PPP2R2D: variants seen among roughly 807,000 people sequenced by gnomAD.
PPP2R2D encodes protein phosphatase 2 regulatory subunit Bdelta.
A neutral mutation model predicts 31.1 loss-of-function variants in PPP2R2D; 9 were observed. The observed-to-expected ratio is 0.29, with a 90% CI of 0.17 to 0.51. The LOEUF is 0.51. PPP2R2D is among the 20% of genes least tolerant of loss of function. PPP2R2D has a pLI of 0.98. For synonymous variants in PPP2R2D, 179 were observed against 172.6 expected (o/e 1.04, Z -0.29); for missense variants, 391 against 465.6 (o/e 0.84, Z 1.48).
In PPP2R2D at chr10:131,959,276, G is replaced by C. The variant is rs11146350; in HGVS notation, c.*3313G>C. 1,929 of 50,540 alleles carry C rather than the reference G, an allele frequency of 0.038. 42 individuals carry two copies. Among genetic ancestry groups the C allele is most frequent in the Admixed American group, 0.08 (275 of 3,452 alleles). 3.1% of individuals were successfully genotyped at this position (50,540 alleles called of 1,614,324 possible). A position where few individuals can be genotyped will look rare whatever the true frequency, so the allele number is the denominator to read the frequency against. On this transcript the variant is annotated 3_prime_UTR_variant, in exon 9 of 9. Coordinates refer to ENST00000455566, the MANE Select transcript of PPP2R2D (RefSeq NM_018461.5). ...TGGAGATGAAGGCGTGTGCTGATCC[G>C]CCGTCCCCCTGTGGAGATGAAGGCG...
downstream of PPP2R2D, among the ~76,000 whole-genome samples, chr10:131,961,663 G>C (rs566564250): frequency 1.3e-5 from 2 of 152,176 alleles, no homozygotes; most frequent in Admixed American, 1.3e-4. Flanking sequence ...CCCCGAAGCT[G>C]TGACAGGTGC....
At chr10:131,922,126 G>T (rs1335183284) in intron 2 of PPP2R2D, among the ~76,000 whole-genome samples, 1 of 152,212 alleles carries the variant, frequency 6.6e-6, no homozygotes, top group Non-Finnish European at 1.5e-5. Flanking sequence ...TCTGAAATTT[G>T]TTAGACAAAG....
chr10:131,912,107 A>G (rs1415144925), intron 2 of PPP2R2D: 1 of 152,186 alleles, frequency 6.6e-6, no homozygotes, highest in Non-Finnish European at 1.5e-5. Context: ...AATCTTTTTT[A>G]ATCCACAAAT....
intron 2 of PPP2R2D, among the ~76,000 whole-genome samples, chr10:131,930,714 G>A (rs2036205194): frequency 6.6e-6 from 1 of 152,172 alleles, no homozygotes; most frequent in African/African-American, 2.4e-5. Flanking sequence ...TTTTATCCCT[G>A]GTGTTGAGAT....
chr10:131,924,695 C>CA (rs34819032), intron 2 of PPP2R2D, among the ~76,000 whole-genome samples: 1,170 of 113,054 alleles, frequency 0.01, 4 homozygotes, highest in South Asian at 0.02. Context: ...GCAATTTTTG[C>CA]AAAAAAAAAA....
chr10:131,952,310 T>G (rs1589961835), intron 8 of PPP2R2D, among the ~76,000 whole-genome samples: 1 of 65,462 alleles, frequency 1.5e-5, no homozygotes. Flanking sequence ...GACTTGCGGG[T>G]GTGCGGGGGG....
chr10:131,936,389 G>T (rs374213540), intron 3 of PPP2R2D, among the ~76,000 whole-genome samples: 1 of 151,900 alleles, frequency 6.6e-6, no homozygotes, highest in Admixed American at 6.6e-5. Context: ...CAGGTGATCC[G>T]CCCACCTCGG....
At chr10:131,929,413 A>G (rs950199499) in intron 2 of PPP2R2D, among the ~76,000 whole-genome samples, 9 of 152,210 alleles carry the variant, frequency 5.9e-5, no homozygotes, top group African/African-American at 1.9e-4. Flanking sequence ...TGCTTGGTTT[A>G]GAGCCACTCA....
the PPP2R2D span, among the ~76,000 whole-genome samples, chr10:131,965,790 T>C: frequency 6.6e-6 from 1 of 152,200 alleles, no homozygotes; most frequent in Non-Finnish European, 1.5e-5. Flanking sequence ...TTCAAGGAGC[T>C]GCTTCCAAAT....
downstream of PPP2R2D, among the ~76,000 whole-genome samples, chr10:131,961,329 G>A (rs1236153334): frequency 2.0e-5 from 3 of 152,166 alleles, no homozygotes; most frequent in Admixed American, 1.3e-4. Flanking sequence ...GTGTAGACCA[G>A]ATGTGAGTAA....
chr10:131,934,167 A>G (rs2036296049), intron 2 of PPP2R2D, among the ~76,000 whole-genome samples: 1 of 152,004 alleles, frequency 6.6e-6, no homozygotes, highest in Non-Finnish European at 1.5e-5. Context: ...CTAAATTTCT[A>G]CCCTTTATCC....
At chr10:131,910,441 C>T (rs1295730027) in intron 2 of PPP2R2D, among the ~76,000 whole-genome samples, 2 of 152,162 alleles carry the variant, frequency 1.3e-5, no homozygotes, top group Admixed American at 1.3e-4. Context: ...TTCTAATTTT[C>T]TCTTGAAAGC....
chr10:131,940,489 G>A (rs1248339223), intron 4 of PPP2R2D, 93 bp from the exon 5 acceptor site: 3 of 656,934 alleles, frequency 4.6e-6, no homozygotes, highest in Admixed American at 5.0e-5. Flanking sequence ...ACCCAATATA[G>A]GACCACACCG....
intron 3 of PPP2R2D, among the ~76,000 whole-genome samples, chr10:131,937,819 A>T (rs986690632): frequency 6.6e-6 from 1 of 152,238 alleles, no homozygotes; most frequent in African/African-American, 2.4e-5. Flanking sequence ...CTTGAAATAG[A>T]ACTGTCTGTT....
the PPP2R2D span, chr10:131,966,473 T>A: frequency 2.0e-5 from 3 of 152,222 alleles, no homozygotes; most frequent in African/African-American, 7.2e-5. Context: ...GTTTCATTTT[T>A]AATAAAATGT....
At chr10:131,934,583 AT>A in intron 3 of PPP2R2D, 28 bp downstream of exon 3, 2 of 768,870 alleles carry the variant, frequency 2.6e-6, no homozygotes, top group Non-Finnish European at 4.8e-6. Context: ...CACAAATCAA[AT>A]GCAATTATTC....
At chr10:131,921,789 G>T (rs1445404782) in intron 2 of PPP2R2D, among the ~76,000 whole-genome samples, 1 of 152,170 alleles carries the variant, frequency 6.6e-6, no homozygotes, top group Admixed American at 6.5e-5. Context: ...CCTGTCGTTG[G>T]TGGTTATAAA....
chr10:131,927,438 G>C (rs1478184442), intron 2 of PPP2R2D, among the ~76,000 whole-genome samples: 1 of 152,180 alleles, frequency 6.6e-6, no homozygotes, highest in Non-Finnish European at 1.5e-5. Flanking sequence ...TTGGAGTACA[G>C]GAGGCCCAGA....
At chr10:131,932,139 C>G (rs1554895767) in intron 2 of PPP2R2D, among the ~76,000 whole-genome samples, 1 of 152,138 alleles carries the variant, frequency 6.6e-6, no homozygotes, top group Non-Finnish European at 1.5e-5. Context: ...TGGCTGCGGA[C>G]ACTTTGCGGA....
Sources: gnomAD v4.1 joint callset for allele counts (sites outside exome capture counted in the v4.1 genomes callset) on GRCh38, gnomAD v4.1.1 for gene constraint, MANE v1.5 for transcripts, NCBI Gene and HGNC (gene_info 2026-07-23, HGNC 2026-07-21) for gene names.